RASGRF2: variants seen among roughly 807,000 people sequenced by gnomAD.
The protein encoded by RASGRF2 is ras-specific guanine nucleotide-releasing factor 2.
A neutral mutation model predicts 151.0 loss-of-function variants in RASGRF2; 76 were observed. The ratio of observed to expected loss-of-function variants is 0.50; its 90% CI spans 0.42 to 0.61. The LOEUF (loss-of-function observed/expected upper bound fraction) is 0.61. Among genes scored for constraint, RASGRF2 ranks in the 20% least tolerant of loss-of-function variants. The probability of loss-of-function intolerance (pLI) is 0.00; values close to 1 mark genes in which losing one functional copy is unlikely to be tolerated. For synonymous variants in RASGRF2, 504 were observed against 566.5 expected (o/e 0.89, Z 1.57); for missense variants, 1,148 against 1,564.6 (o/e 0.73, Z 4.49).
In RASGRF2 at chr5:81,201,376, TAGA is replaced by T. The variant is rs1296144548; in HGVS notation, c.2846_2848del (p.Glu949del). On this transcript the variant is annotated inframe_deletion, in exon 19 of 27. Coordinates refer to ENST00000265080, the MANE Select transcript of RASGRF2 (RefSeq NM_006909.3). Reference sequence around the variant, plus strand: ...CTAAAGATGAATGTCCTAAATTTGCTAGAAGAAGTTTTGCGAGACCCAGACCTT... The same window carrying T: ...CTAAAGATGAATGTCCTAAATTTGCTAGAAGTTTTGCGAGACCCAGACCTT... 1 of 1,613,958 alleles carries T rather than the reference TAGA, an allele frequency of 6.2e-7. No homozygotes were observed. The highest frequency in any genetic ancestry group is 8.5e-7 in the Non-Finnish European group (1 of 1,179,960).
At chr5:80,975,853 CTTT>C (rs71893376) in intron 1 of RASGRF2, among the ~76,000 whole-genome samples, 7 of 133,714 alleles carry the variant, frequency 5.2e-5, no homozygotes, top group African/African-American at 8.4e-5. Context: ...AAGCAATCAT[CTTT>C]TTTTTTTTTT....
At chr5:80,965,269 A>G (rs1348443961) in intron 1 of RASGRF2, among the ~76,000 whole-genome samples, 1 of 152,122 alleles carries the variant, frequency 6.6e-6, no homozygotes, top group Non-Finnish European at 1.5e-5. Flanking sequence ...GGATTTTCAT[A>G]CTACTTCACG....
intron 1 of RASGRF2, among the ~76,000 whole-genome samples, chr5:80,969,684 C>G (rs1747855804): frequency 6.6e-6 from 1 of 151,848 alleles, no homozygotes; most frequent in East Asian, 1.9e-4. Context: ...ATCTCCTGAC[C>G]TCGTGATCCG....
intron 2 of RASGRF2, among the ~76,000 whole-genome samples, chr5:81,043,232 G>A (rs1750734184): frequency 6.6e-6 from 1 of 152,170 alleles, no homozygotes. Flanking sequence ...TTCTTCCTAT[G>A]TGCCAAGCAC....
At chr5:81,091,348 A>G (rs1354115500) in intron 9 of RASGRF2, among the ~76,000 whole-genome samples, 5 of 150,912 alleles carry the variant, frequency 3.3e-5, no homozygotes, top group Admixed American at 3.3e-4. Context: ...GCTCCCACCC[A>G]CCTCACCTCC....
chr5:81,206,863 C>T lies in RASGRF2; in HGVS notation c.2925C>T (p.Asp975=), dbSNP rs751700893. The change falls in exon 20 of 27, where the codon GAC becomes GAT. Residue 975 remains aspartate, a synonymous_variant. Transcript: ENST00000265080. ...TTTTCAGGGCCCTTTCACAAGATGA[C>T]CAAGATGACATCCACCTAAAATTAG... The part of the protein sequence containing the change: ...ANILRALSQD[D]QDDIHLKLED... 1.2e-6 allele frequency: 2 copies of T among 1,610,790 alleles called. No homozygotes were observed. The highest frequency in any genetic ancestry group is 2.2e-5 in the South Asian group (2 of 91,006).
At chr5:81,053,142 A>G (rs1378835007) in intron 2 of RASGRF2, among the ~76,000 whole-genome samples, 1 of 152,072 alleles carries the variant, frequency 6.6e-6, no homozygotes, top group Non-Finnish European at 1.5e-5. Flanking sequence ...TTTTTTAATT[A>G]TACTTTAAGT....
chr5:81,115,219 G>T (rs1396193309), intron 15 of RASGRF2, among the ~76,000 whole-genome samples: 1 of 152,126 alleles, frequency 6.6e-6, no homozygotes, highest in Non-Finnish European at 1.5e-5. Flanking sequence ...CTTCCTGAGT[G>T]AAGTAGTTAA....
intron 17 of RASGRF2, among the ~76,000 whole-genome samples, chr5:81,157,326 A>C (rs2112631520): frequency 6.6e-6 from 1 of 151,142 alleles, no homozygotes; most frequent in South Asian, 2.1e-4. Context: ...ACTGCACTCC[A>C]GCCTGGGTGA....
chr5:81,181,618 A>G (rs77671403), intron 18 of RASGRF2, among the ~76,000 whole-genome samples: 3,285 of 152,178 alleles, frequency 0.022, 105 homozygotes, highest in African/African-American at 0.074. Flanking sequence ...CAGTTTTTCC[A>G]CTGTCTGATG....
chr5:81,065,148 A>G (rs980473192), intron 2 of RASGRF2, among the ~76,000 whole-genome samples: 4 of 152,198 alleles, frequency 2.6e-5, no homozygotes, highest in Non-Finnish European at 5.9e-5. Flanking sequence ...GCCTCGTGAC[A>G]TCCTGACCTA....
chr5:81,152,793 G>A lies in RASGRF2; in HGVS notation c.2686+25630G>A, dbSNP rs79425147. ...GAACCTAGCTAGATAAGAACAGTGG[G>A]TGTCTATGGCATTTTAGCCTGAGAC... On this transcript the variant is annotated intron_variant, in intron 17 of 26. Transcript: ENST00000265080. Among the ~76,000 whole-genome samples the A allele has an allele frequency of 7.7e-3, 1,178 of 152,310 alleles. 29 individuals carry two copies. Among genetic ancestry groups the A allele is most frequent in the Admixed American group, 0.053 (806 of 15,292 alleles).
At chr5:81,178,983 C>T (rs1193857839) in intron 17 of RASGRF2, among the ~76,000 whole-genome samples, 1 of 152,152 alleles carries the variant, frequency 6.6e-6, no homozygotes, top group African/African-American at 2.4e-5. Flanking sequence ...CATGATCCAC[C>T]GCCTTGGCCT....
chr5:81,166,328 C>T (rs12188759), intron 17 of RASGRF2, among the ~76,000 whole-genome samples: 97,851 of 151,834 alleles, frequency 0.64, 32,353 homozygotes, highest in East Asian at 0.79. Context: ...CTGGAATTTA[C>T]AGGCGCGTGC....
intron 2 of RASGRF2, among the ~76,000 whole-genome samples, chr5:81,062,486 T>G (rs1751474671): frequency 6.6e-6 from 1 of 152,268 alleles, no homozygotes; most frequent in Non-Finnish European, 1.5e-5. Context: ...TTTTTTCTTT[T>G]CTAATCCTGA....
chr5:80,969,843 T>TG (rs1376074979), intron 1 of RASGRF2, among the ~76,000 whole-genome samples: 28 of 132,728 alleles, frequency 2.1e-4, no homozygotes, highest in Non-Finnish European at 2.9e-4. Context: ...TTTTTTTTTT[T>TG]GAGACAGAGT....
chr5:81,194,657 C>T (rs1580396015), intron 18 of RASGRF2, among the ~76,000 whole-genome samples: 1 of 152,138 alleles, frequency 6.6e-6, no homozygotes, highest in African/African-American at 2.4e-5. Context: ...TTGTTCCTGG[C>T]CAGAACTACC....
chr5:81,080,109 C>T lies in RASGRF2; in HGVS notation c.888-12C>T. 1 of 1,591,720 alleles carries T rather than the reference C, an allele frequency of 6.3e-7. No homozygotes were observed. The highest frequency in any genetic ancestry group is 1.8e-4 in the Middle Eastern group (1 of 5,632). On this transcript the variant is annotated splice_polypyrimidine_tract_variant and intron_variant, in intron 5 of 26. Coordinates refer to ENST00000265080, the MANE Select transcript of RASGRF2 (RefSeq NM_006909.3). The stretch of plus-strand genomic sequence containing the variant: ...TAGCAACTAAATTATATTATTTTTC[C>T]TTTTTTTATAGTGAAACAATCATGT...
Position 81,094,988 on chromosome 5 carries a change from G to C in RASGRF2, c.1751G>C (p.Ser584Thr). ...AAAGCTGCCTGGATGAGTGACATCAGTCAGGTAAGAAAGTGGCTTTTGCCA... is the reference window on the plus strand; with the variant it reads ...AAAGCTGCCTGGATGAGTGACATCACTCAGGTAAGAAAGTGGCTTTTGCCA... The part of the protein sequence containing the change: ...QEKAAWMSDI[S>T]QCVDNIRCNG... The change falls in exon 12 of 27, where the codon AGT becomes ACT. Residue 584 changes from serine to threonine, a missense_variant. By Grantham distance (58) the Ser-to-Thr change is moderately conservative. Around this residue, in one of 5 missense-constraint regions of RASGRF2, gnomAD observed 646 missense variants for 807.4 expected, o/e 0.80. Transcript: ENST00000265080. The C allele has an allele frequency of 6.6e-7, 1 of 1,512,314 alleles. No individual in the cohort carries two copies. The allele number at this position is 1,512,314 out of a possible 1,614,324, so 93.7% of individuals were successfully genotyped here.
Sources: gnomAD v4.1 joint callset for allele counts (sites outside exome capture counted in the v4.1 genomes callset) on GRCh38, gnomAD v4.1.1 for gene constraint, gnomAD v4.1.1 regional missense constraint, MANE v1.5 for transcripts, NCBI Gene and HGNC (gene_info 2026-07-23, HGNC 2026-07-21) for gene names.